GFOD1: variants seen among roughly 807,000 people sequenced by gnomAD.
GFOD1 encodes the protein glucose-fructose oxidoreductase domain-containing protein 1.
In GFOD1, 9 loss-of-function variants were observed where a neutral mutation model predicts 25.4. The ratio of observed to expected loss-of-function variants is 0.35; its 90% CI spans 0.21 to 0.62. GFOD1 has a LOEUF of 0.62. GFOD1 is among the 20% of genes least tolerant of loss of function. GFOD1 has a pLI of 0.72. For synonymous variants in GFOD1, 253 were observed against 245.6 expected, an observed-to-expected ratio of 1.03 and a Z score of -0.28; for missense variants, 403 against 556.9, an observed-to-expected ratio of 0.72 and a Z score of 2.78.
intron 1 of GFOD1, among the ~76,000 whole-genome samples, chr6:13,468,720 C>G (rs958611540): frequency 6.6e-6 from 1 of 152,170 alleles, no homozygotes; most frequent in Non-Finnish European, 1.5e-5. Context: ...AGCTTCCAGC[C>G]TGTCCTGGGT....
chr6:13,476,318 T>C lies in GFOD1; in HGVS notation c.253+10320A>G, dbSNP rs145472100. 6.1e-3 allele frequency among the ~76,000 whole-genome samples: 923 copies of C among 152,330 alleles called. 5 individuals are homozygous for C. The highest frequency in any genetic ancestry group is 0.01 in the Non-Finnish European group (689 of 68,034). ...ACATGGCTGAACATCAAAAACGTTA[T>C]GCTAAGTGAAAGAACTCAAGCACAA... On this transcript the variant is annotated intron_variant, in intron 1 of 1. Coordinates refer to ENST00000379287, the MANE Select transcript of GFOD1 (RefSeq NM_018988.4).
chr6:13,454,900 C>T (rs1352859147), intron 1 of GFOD1, among the ~76,000 whole-genome samples: 1 of 152,126 alleles, frequency 6.6e-6, no homozygotes, highest in Non-Finnish European at 1.5e-5. Context: ...AATCTTCAGA[C>T]CCCAGGATAT....
In GFOD1 at chr6:13,386,601, C is replaced by T. The variant is rs751615339; in HGVS notation, c.254-20939G>A. Among the ~76,000 whole-genome samples, 9 of 152,348 alleles carry T rather than the reference C, an allele frequency of 5.9e-5. No homozygotes were observed. In the South Asian group the frequency reaches 8.3e-4, roughly 14 times the overall value. On this transcript the variant is annotated intron_variant, in intron 1 of 1. Coordinates refer to ENST00000379287, the MANE Select transcript of GFOD1 (RefSeq NM_018988.4). Reference sequence around the variant, plus strand: ...CTGCCCACAAAGCTCTGCTCCCCAACGATCCTCATTCTGCCATTCTTCCTG... The same window carrying T: ...CTGCCCACAAAGCTCTGCTCCCCAATGATCCTCATTCTGCCATTCTTCCTG...
At chr6:13,468,526 G>A (rs750022518) in intron 1 of GFOD1, among the ~76,000 whole-genome samples, 6 of 152,040 alleles carry the variant, frequency 3.9e-5, no homozygotes, top group East Asian at 1.9e-4. Context: ...CAACCGCCTC[G>A]TTTTCTTCAT....
Position 13,360,877 on chromosome 6 carries a change from T to C in GFOD1, c.*3866A>G. On this transcript the variant is annotated 3_prime_UTR_variant, in exon 2 of 2. Coordinates refer to ENST00000379287, the MANE Select transcript of GFOD1 (RefSeq NM_018988.4). Reference sequence around the variant, plus strand: ...AAGAACAGGAGGTGCCCACATCTCTTCCTGGGAGGCAGTGTGGTCTGGAGG... The same window carrying C: ...AAGAACAGGAGGTGCCCACATCTCTCCCTGGGAGGCAGTGTGGTCTGGAGG... The C allele has an allele frequency of 2.2e-6, 1 of 456,666 alleles. No homozygotes were observed. The highest frequency in any genetic ancestry group is 4.4e-6 in the Non-Finnish European group (1 of 226,936). The allele number at this position is 456,666 out of a possible 1,614,324, so 28.3% of individuals were successfully genotyped here.
intron 1 of GFOD1, among the ~76,000 whole-genome samples, chr6:13,444,506 A>G (rs9395787): frequency 0.67 from 100,884 of 151,448 alleles, 33,779 homozygotes; most frequent in South Asian, 0.81. Flanking sequence ...GCTCCTGTTA[A>G]AAAAAAAAGA....
chr6:13,463,380 T>A (rs1435790215), intron 1 of GFOD1, among the ~76,000 whole-genome samples: 1 of 152,212 alleles, frequency 6.6e-6, no homozygotes, highest in Non-Finnish European at 1.5e-5. Context: ...TGAAAGACAA[T>A]TTAAAATCCA....
intron 1 of GFOD1, among the ~76,000 whole-genome samples, chr6:13,377,569 A>G (rs1352238958): frequency 6.6e-6 from 1 of 152,164 alleles, no homozygotes; most frequent in Non-Finnish European, 1.5e-5. Context: ...AAGCCCTTGG[A>G]CTTCCTCTTT....
rs1350457982 is a variant in GFOD1 at position 13,363,665 on chromosome 6, G to A, written c.*1078C>T. 1 of 135,362 alleles carries A rather than the reference G, an allele frequency of 7.4e-6. No homozygotes were observed. The highest frequency in any genetic ancestry group is 2.8e-5 in the African/African-American group (1 of 35,956). The allele number at this position is 135,362 out of a possible 1,614,324, so 8.4% of individuals were successfully genotyped here. On this transcript the variant is annotated 3_prime_UTR_variant, in exon 2 of 2. Transcript: ENST00000379287. ...CTGGATGAATCTCCTAAAAGCTCTT[G>A]CCCAGCTTGGTAGGAGAGATGCGCG...
intron 1 of GFOD1, among the ~76,000 whole-genome samples, chr6:13,378,239 C>T (rs1029318919): frequency 3.3e-5 from 5 of 152,274 alleles, no homozygotes; most frequent in Middle Eastern, 3.4e-3. Flanking sequence ...CCCAAAGCCC[C>T]GTGTTTTCCA....
intron 1 of GFOD1, among the ~76,000 whole-genome samples, chr6:13,457,833 C>T (rs1665652087): frequency 6.6e-6 from 1 of 152,212 alleles, no homozygotes; most frequent in Non-Finnish European, 1.5e-5. Flanking sequence ...TCATCATTCG[C>T]TTGACCCGTT....
intron 1 of GFOD1, among the ~76,000 whole-genome samples, chr6:13,443,118 C>T (rs1757943089): frequency 1.3e-5 from 2 of 152,116 alleles, no homozygotes; most frequent in Admixed American, 1.3e-4. Flanking sequence ...TTGAGGGATC[C>T]AAGACTTCAG....
At chr6:13,449,650 A>G (rs970592007) in intron 1 of GFOD1, among the ~76,000 whole-genome samples, 7 of 152,136 alleles carry the variant, frequency 4.6e-5, no homozygotes, top group Admixed American at 3.9e-4. Flanking sequence ...TATTGTTCTC[A>G]TGGTAGTGAA....
intron 1 of GFOD1, among the ~76,000 whole-genome samples, chr6:13,394,976 T>G (rs1049237372): frequency 6.6e-6 from 1 of 152,072 alleles, no homozygotes; most frequent in East Asian, 1.9e-4. Flanking sequence ...AGAGATAGGG[T>G]CTCACTGTGT....
intron 1 of GFOD1, among the ~76,000 whole-genome samples, chr6:13,480,001 T>C (rs1482772018): frequency 6.6e-6 from 1 of 152,216 alleles, no homozygotes; most frequent in Non-Finnish European, 1.5e-5. Context: ...CAGCCTTATT[T>C]CCGCTGGCGT....
chr6:13,411,517 C>T (rs530915539), intron 1 of GFOD1, among the ~76,000 whole-genome samples: 76 of 152,262 alleles, frequency 5.0e-4, no homozygotes, highest in African/African-American at 1.7e-3. Context: ...GTCTCGATCT[C>T]CTGACCTCAA....
chr6:13,376,872 G>A (rs1177604707), intron 1 of GFOD1, among the ~76,000 whole-genome samples: 1 of 152,206 alleles, frequency 6.6e-6, no homozygotes, highest in Non-Finnish European at 1.5e-5. Context: ...AATACTTCAA[G>A]AGAAACACTA....
In GFOD1 at chr6:13,364,200, C is replaced by G. The variant is rs757125678; in HGVS notation, c.*543G>C. 6.4e-6 allele frequency: 1 copy of G among 156,878 alleles called. No homozygotes were observed. The highest frequency in any genetic ancestry group is 6.1e-5 in the Admixed American group (1 of 16,430). The allele number at this position is 156,878 out of a possible 1,614,324, so 9.7% of individuals were successfully genotyped here. Reference sequence around the variant, plus strand: ...ACTTTTGCCGTTAGATACCTTATATCCAATAAAAAGTGGCTTCCTGGAATT... The same window carrying G: ...ACTTTTGCCGTTAGATACCTTATATGCAATAAAAAGTGGCTTCCTGGAATT... On this transcript the variant is annotated 3_prime_UTR_variant, in exon 2 of 2. Coordinates refer to ENST00000379287, the MANE Select transcript of GFOD1 (RefSeq NM_018988.4). This position sits in a 1 kb window ranked among gnomAD's most constrained non-coding sequence, Gnocchi z 4.1.
chr6:13,465,474 T>C (rs1758364095), intron 1 of GFOD1, among the ~76,000 whole-genome samples: 1 of 152,188 alleles, frequency 6.6e-6, no homozygotes, highest in Non-Finnish European at 1.5e-5. Context: ...AGAATCTGCA[T>C]TTTAACAGAT....
Sources: allele counts gnomAD v4.1 joint callset (sites outside exome capture counted in the v4.1 genomes callset), GRCh38; gene constraint gnomAD v4.1.1; non-coding constraint Gnocchi (gnomAD v3.1); transcripts MANE v1.5; gene names NCBI Gene and HGNC (gene_info 2026-07-23, HGNC 2026-07-21).